AADAT: variants seen among roughly 807,000 people sequenced by gnomAD.
The protein encoded by AADAT is kynurenine/alpha-aminoadipate aminotransferase, mitochondrial.
A neutral mutation model predicts 56.2 loss-of-function variants in AADAT; 25 were observed. The ratio of observed to expected loss-of-function variants is 0.44; its 90% CI spans 0.32 to 0.62. The LOEUF is 0.62. Ranked by LOEUF, AADAT falls within the 20% of genes least tolerant of loss-of-function variation. The pLI is 0.04. For missense variants in AADAT, 387 were observed against 510.5 expected, an observed-to-expected ratio of 0.76 and a Z score of 2.33; for synonymous variants, 173 against 164.7, an observed-to-expected ratio of 1.05 and a Z score of -0.39.
intron 12 of AADAT, 38 bp from the exon 13 acceptor site, chr4:170,061,007 G>T: frequency 1.5e-6 from 2 of 1,359,448 alleles, no homozygotes; most frequent in South Asian, 1.3e-5. Context: ...AATTAAATTA[G>T]GATACTATAT....
rs377134138 is a variant in AADAT, at chr4:170,088,599, T to C, written c.68-35A>G. On this transcript the variant is annotated intron_variant, in intron 1 of 12. Coordinates refer to ENST00000337664, the MANE Select transcript of AADAT (RefSeq NM_016228.4). Reference sequence around the variant, plus strand: ...ACATGGAAGAGAAGAAACAATTTCATTGAAGATTGTTATAAGCGGATAGTT... The same window carrying C: ...ACATGGAAGAGAAGAAACAATTTCACTGAAGATTGTTATAAGCGGATAGTT... The C allele has an allele frequency of 3.2e-4, 499 of 1,579,840 alleles. 2 individuals are homozygous for C. Among genetic ancestry groups the C allele is most frequent in the Middle Eastern group, 2.0e-3 (12 of 5,964 alleles).
At chr4:170,088,734 C>G (rs1184360253) in intron 1 of AADAT, among the ~76,000 whole-genome samples, 170 bp from the exon 2 acceptor site, 1 of 152,140 alleles carries the variant, frequency 6.6e-6, no homozygotes, top group African/African-American at 2.4e-5. Flanking sequence ...GAAGTTAATA[C>G]TAATGTGATA....
At chr4:170,068,353 G>A (rs565205694) in intron 8 of AADAT, among the ~76,000 whole-genome samples, 2 of 151,940 alleles carry the variant, frequency 1.3e-5, no homozygotes, top group African/African-American at 4.8e-5. Context: ...TGTTACAGAC[G>A]GATCCAATAA....
At chr4:170,078,674 T>C in intron 3 of AADAT, 91 bp from the exon 4 acceptor site, 4 of 824,416 alleles carry the variant, frequency 4.9e-6, no homozygotes, top group Non-Finnish European at 7.7e-6. Context: ...TGAGCTCACA[T>C]GGTTCTAGAG....
intron 3 of AADAT, among the ~76,000 whole-genome samples, chr4:170,082,701 TAA>T (rs1314387389): frequency 6.6e-6 from 1 of 152,004 alleles, no homozygotes; most frequent in Non-Finnish European, 1.5e-5. Flanking sequence ...ACCTCACCTA[TAA>T]AGACACACAG....
At chr4:170,093,751 A>G (rs1032782926), upstream of AADAT, among the ~76,000 whole-genome samples, 1 of 151,980 alleles carries the variant, frequency 6.6e-6, no homozygotes, top group African/African-American at 2.4e-5. Context: ...GAACACCACT[A>G]CACCAGGATA....
At chr4:170,061,086 GA>G (rs1731166256) in intron 12 of AADAT, 117 bp from the exon 13 acceptor site, 1 of 648,370 alleles carries the variant, frequency 1.5e-6, no homozygotes, top group African/African-American at 1.9e-5. Flanking sequence ...AGAAGGCATT[GA>G]AAAGTCAAGT....
chr4:170,079,957 A>C (rs575389362), intron 3 of AADAT, among the ~76,000 whole-genome samples: 53 of 152,320 alleles, frequency 3.5e-4, no homozygotes, highest in Non-Finnish European at 6.2e-4. Flanking sequence ...GGACTGAGCT[A>C]CAGGGAACTC....
chr4:170,064,616 G>C, intron 11 of AADAT, 103 bp downstream of exon 11: 1 of 846,866 alleles, frequency 1.2e-6, no homozygotes, highest in Non-Finnish European at 1.9e-6. Flanking sequence ...GAGTTGGCTG[G>C]TGGGCAACAA....
chr4:170,070,729 G>A lies in AADAT; in HGVS notation c.655-77C>T, dbSNP rs542591794. The A allele has an allele frequency of 6.6e-6, 7 of 1,061,410 alleles. No homozygotes were observed. The South Asian group carries it at 1.1e-4, about 16-fold the overall frequency. 65.7% of individuals were successfully genotyped at this position (1,061,410 alleles called of 1,614,324 possible). ...AGTTATCTAAAATTAAATTCATTTG[G>A]AATTATAATTCTTTGTACTCATTCA... On this transcript the variant is annotated intron_variant, in intron 5 of 12. Coordinates refer to ENST00000337664, the MANE Select transcript of AADAT (RefSeq NM_016228.4).
At chr4:170,084,531 G>C (rs1352587684) in intron 3 of AADAT, among the ~76,000 whole-genome samples, 5 of 152,052 alleles carry the variant, frequency 3.3e-5, no homozygotes, top group Non-Finnish European at 5.9e-5. Context: ...AATCAAAGGG[G>C]TCTATTATGA....
At chr4:170,086,965 T>C in intron 3 of AADAT, 151 bp downstream of exon 3, 2 of 1,136,926 alleles carry the variant, frequency 1.8e-6, no homozygotes, top group African/African-American at 1.6e-5. Context: ...CTATGACTTG[T>C]CTTTTAGTTC....
In AADAT at chr4:170,073,169, T is replaced by C; in HGVS notation, c.621A>G (p.Ser207=). 1 of 1,614,200 alleles carries C rather than the reference T, an allele frequency of 6.2e-7. No individual in the cohort carries two copies. Among genetic ancestry groups the C allele is most frequent in the Non-Finnish European group, 8.5e-7 (1 of 1,180,026 alleles). ...VPNGNNPTGN[S]LTSERKKEIY... ...TTTCCTTTTTGCGTTCACTGGTTAA[T>C]GAGTTTCCAGTAGGGTTGTTGCCAT... Residue 207 remains serine (S), a synonymous_variant, in exon 5 of 13, where the codon TCA becomes TCG. Transcript: ENST00000337664.
At chr4:170,067,522 T>C in intron 8 of AADAT, 134 bp from the exon 9 acceptor site, 1 of 598,976 alleles carries the variant, frequency 1.7e-6, no homozygotes, top group African/African-American at 1.9e-5. Context: ...GCTTATATAG[T>C]CAGTGATTTA....
rs946017472 is a variant in AADAT at position 170,060,830 on chromosome 4, G to A, written c.*98C>T. Reference sequence around the variant, plus strand: ...AGTGGTGTGATCGTAGCTTACTGCAGCCTTGAATTCCTGGGTTCAAGTGAT... The same window carrying A: ...AGTGGTGTGATCGTAGCTTACTGCAACCTTGAATTCCTGGGTTCAAGTGAT... On this transcript the variant is annotated 3_prime_UTR_variant, in exon 13 of 13. Transcript: ENST00000337664. The A allele has an allele frequency of 2.0e-6, 2 of 1,025,430 alleles. No individual in the cohort carries two copies. The highest frequency in any genetic ancestry group is 2.8e-6 in the Non-Finnish European group (2 of 716,850). 63.5% of individuals were successfully genotyped at this position (1,025,430 alleles called of 1,614,324 possible). A position where few individuals can be genotyped will look rare whatever the true frequency, so the allele number is the denominator to read the frequency against.
chr4:170,065,646 G>A (rs892602718), intron 10 of AADAT, among the ~76,000 whole-genome samples: 14 of 152,048 alleles, frequency 9.2e-5, no homozygotes, highest in African/African-American at 2.9e-4. Context: ...GATTACAGGT[G>A]CCCGCCATCA....
At chr4:170,065,507 CTGTT>C (rs1731412578) in intron 10 of AADAT, among the ~76,000 whole-genome samples, 1 of 150,650 alleles carries the variant, frequency 6.6e-6, no homozygotes, top group African/African-American at 2.4e-5. Flanking sequence ...GATACTAATT[CTGTT>C]TTTTTTTTTT....
chr4:170,064,785 T>C lies in AADAT; in HGVS notation c.1068A>G (p.Leu356=), dbSNP rs753287068. 4.3e-6 allele frequency: 7 copies of C among 1,611,882 alleles called. No individual in the cohort carries two copies. The highest frequency in any genetic ancestry group is 1.7e-5 in the Admixed American group (1 of 59,328). The change falls in exon 11 of 13, where the codon TTA becomes TTG. Residue 356 remains leucine, a synonymous_variant. Coordinates refer to ENST00000337664, the MANE Select transcript of AADAT (RefSeq NM_016228.4). ...CATTAATGCCTTTAACTTTAATCCATAAAAACATTCCAGCAGCAGGAACAT... is the reference window on the plus strand; with the variant it reads ...CATTAATGCCTTTAACTTTAATCCACAAAAACATTCCAGCAGCAGGAACAT... ...EWHVPAAGMF[L]WIKVKGINDV...
upstream of AADAT, among the ~76,000 whole-genome samples, chr4:170,090,683 C>A (rs1253409971): frequency 1.3e-5 from 2 of 151,694 alleles, no homozygotes; most frequent in South Asian, 2.1e-4. Flanking sequence ...TTTTTTCTTA[C>A]AAAATAACCC....
Sources: allele counts gnomAD v4.1 joint callset (sites outside exome capture counted in the v4.1 genomes callset), GRCh38; gene constraint gnomAD v4.1.1; transcripts MANE v1.5; gene names NCBI Gene and HGNC (gene_info 2026-07-23, HGNC 2026-07-21).